TRAM1: variants seen among roughly 807,000 people sequenced by gnomAD.
TRAM1 encodes translocation associated membrane protein 1.
In TRAM1, 17 loss-of-function variants were observed where a neutral mutation model predicts 48.7. The ratio of observed to expected loss-of-function variants is 0.35; its 90% confidence interval spans 0.24 to 0.52. The LOEUF (loss-of-function observed/expected upper bound fraction) is 0.52. Ranked by LOEUF, TRAM1 falls within the 20% of genes least tolerant of loss-of-function variation. TRAM1 has a pLI of 0.94. For synonymous variants in TRAM1, 182 were observed against 154.0 expected, an observed-to-expected ratio of 1.18 and a Z score of -1.34; for missense variants, 351 against 441.5, an observed-to-expected ratio of 0.79 and a Z score of 1.84.
At chr8:70,606,830 T>G in intron 1 of TRAM1, 1 of 914,828 alleles carries the variant, frequency 1.1e-6, no homozygotes, top group Non-Finnish European at 1.3e-6. Flanking sequence ...AATTTTAAAA[T>G]TAAAAAAAAA....
At chr8:70,599,261 T>C (rs536783654) in intron 2 of TRAM1, among the ~76,000 whole-genome samples, 63 of 152,172 alleles carry the variant, frequency 4.1e-4, no homozygotes, top group Admixed American at 1.4e-3. Context: ...GACCCTGTCA[T>C]CTCTTAAAAA....
At position 70,594,495 on chromosome 8, in the gene TRAM1, T is replaced by G. The variant is rs1817442036; in HGVS notation, c.570+11A>C. On this transcript the variant is annotated intron_variant, in intron 6 of 10. Coordinates refer to ENST00000262213, the MANE Select transcript of TRAM1 (RefSeq NM_014294.6). ...CAAGACATTTTTTAACACTACAAAA[T>G]CCCAGCTTACTTTTTTGGTTTTCTG... 1 of 1,585,526 alleles carries G rather than the reference T, an allele frequency of 6.3e-7. No individual in the cohort carries two copies. The highest frequency in any genetic ancestry group is 1.4e-5 in the African/African-American group (1 of 72,674).
intron 4 of TRAM1, among the ~76,000 whole-genome samples, chr8:70,597,296 A>G (rs268625): frequency 0.73 from 111,466 of 152,046 alleles, 42,402 homozygotes; most frequent in Non-Finnish European, 0.84. Flanking sequence ...GCTGTTTTTA[A>G]AGGAGGAAAT....
chr8:70,592,567 T>C (rs1234185768), intron 6 of TRAM1, among the ~76,000 whole-genome samples: 2 of 152,214 alleles, frequency 1.3e-5, no homozygotes, highest in Non-Finnish European at 2.9e-5. Flanking sequence ...AAGTGCCATC[T>C]GGCAGGAACT....
At position 70,607,999 on chromosome 8, in the gene TRAM1, A is replaced by G. The variant is rs1200427362; in HGVS notation, c.123+78T>C. ...CGAGCCCCCCGCGTCCTGGGCGGAG[A>G]AGCCGGGGCTGGCATCTGGAGCCCG... is the stretch of plus-strand genomic sequence containing the variant. On this transcript the variant is annotated intron_variant, in intron 1 of 10. Coordinates refer to ENST00000262213, the MANE Select transcript of TRAM1 (RefSeq NM_014294.6). The G allele has an allele frequency of 4.1e-6, 6 of 1,448,894 alleles. No individual in the cohort carries two copies. The East Asian group carries it at 8.4e-5, about 20-fold the overall frequency. 89.8% of individuals were successfully genotyped at this position (1,448,894 alleles called of 1,614,324 possible). A position where few individuals can be genotyped will look rare whatever the true frequency, so the allele number is the denominator to read the frequency against.
intron 6 of TRAM1, among the ~76,000 whole-genome samples, chr8:70,592,690 G>T (rs983510437): frequency 2.6e-5 from 4 of 152,110 alleles, no homozygotes; most frequent in African/African-American, 7.2e-5. Context: ...AAATCCAGAG[G>T]TATTTGTTCA....
intron 1 of TRAM1, among the ~76,000 whole-genome samples, chr8:70,605,704 T>C (rs1038651244): frequency 6.6e-6 from 1 of 152,212 alleles, no homozygotes; most frequent in Non-Finnish European, 1.5e-5. Context: ...CACCTTAATA[T>C]ATGGTAAGAA....
At chr8:70,577,360 C>G (rs1238916012) in intron 10 of TRAM1, among the ~76,000 whole-genome samples, 1 of 152,190 alleles carries the variant, frequency 6.6e-6, no homozygotes. Flanking sequence ...ACCTGGGGGC[C>G]AGGCCACCAG....
At position 70,574,127 on chromosome 8, in the gene TRAM1, A is replaced by G. The variant is rs973850595; in HGVS notation, c.*805T>C. On this transcript the variant is annotated 3_prime_UTR_variant, in exon 11 of 11. Transcript: ENST00000262213. ...ACTTTTCTAAGATGCTGTGCATATT[A>G]AACTTATTATGAGCCCCATTAAGAA... 2 of 319,954 alleles carry G rather than the reference A, an allele frequency of 6.3e-6. No homozygotes were observed. Among genetic ancestry groups the G allele is most frequent in the African/African-American group, 4.6e-5 (2 of 43,064 alleles). 19.8% of individuals were successfully genotyped at this position (319,954 alleles called of 1,614,324 possible).
intron 6 of TRAM1, among the ~76,000 whole-genome samples, chr8:70,588,011 G>A (rs949202681): frequency 2.6e-5 from 4 of 152,072 alleles, no homozygotes; most frequent in Admixed American, 2.6e-4. Flanking sequence ...GAGGCCAGGA[G>A]TTCGAGATCA....
chr8:70,579,999 G>GT (rs1435664530), intron 10 of TRAM1, among the ~76,000 whole-genome samples: 1 of 152,074 alleles, frequency 6.6e-6, no homozygotes, highest in Non-Finnish European at 1.5e-5. Context: ...AGTTAAAACT[G>GT]TTTTTTAAAA....
chr8:70,582,762 TA>T (rs139326891), intron 10 of TRAM1, among the ~76,000 whole-genome samples: 1 of 151,104 alleles, frequency 6.6e-6, no homozygotes, highest in Non-Finnish European at 1.5e-5. Flanking sequence ...TCAGAAGTTA[TA>T]AAAAAAAAGC....
rs944037813 is a variant in TRAM1, at chr8:70,574,004, G to T, written c.*928C>A. The T allele has an allele frequency of 2.4e-5, 5 of 207,598 alleles. No individual in the cohort carries two copies. Among genetic ancestry groups the T allele is most frequent in the Non-Finnish European group, 4.9e-5 (5 of 102,242 alleles). The allele number at this position is 207,598 out of a possible 1,614,324, so 12.9% of individuals were successfully genotyped here. ...CACCTGAATTTTCAATTTCTTTAAA[G>T]TTAGTGCATTAAATGTTTTCCAAAT... On this transcript the variant is annotated 3_prime_UTR_variant, in exon 11 of 11. Coordinates refer to ENST00000262213, the MANE Select transcript of TRAM1 (RefSeq NM_014294.6).
At chr8:70,579,512 G>A (rs1438400285) in intron 10 of TRAM1, among the ~76,000 whole-genome samples, 2 of 152,138 alleles carry the variant, frequency 1.3e-5, no homozygotes, top group African/African-American at 2.4e-5. Flanking sequence ...TTCCCCCAGG[G>A]AGACAACTGT....
rs1277734040 is a variant in TRAM1, at chr8:70,574,565, C to A, written c.*367G>T. ...CTTAAAAAATATGGCCTTCTTAGAA[C>A]AGGCCACTCTGCTATTATAAAAAAT... On this transcript the variant is annotated 3_prime_UTR_variant, in exon 11 of 11. Transcript: ENST00000262213. 4.7e-6 allele frequency: 1 copy of A among 213,984 alleles called. No individual in the cohort carries two copies. Among genetic ancestry groups the A allele is most frequent in the South Asian group, 7.0e-5 (1 of 14,228 alleles). The allele number at this position is 213,984 out of a possible 1,614,324, so 13.3% of individuals were successfully genotyped here. A position where few individuals can be genotyped will look rare whatever the true frequency, so the allele number is the denominator to read the frequency against.
chr8:70,593,011 A>G (rs1052331173), intron 6 of TRAM1, among the ~76,000 whole-genome samples: 3 of 152,180 alleles, frequency 2.0e-5, no homozygotes, highest in Admixed American at 6.5e-5. Flanking sequence ...CTTACTAAAC[A>G]TGGAAGGGCT....
In TRAM1 at chr8:70,573,528, C is replaced by T. The variant is rs1816865451; in HGVS notation, c.*1404G>A. The T allele has an allele frequency of 2.6e-5, 4 of 152,470 alleles. No homozygotes were observed. The highest frequency in any genetic ancestry group is 9.7e-5 in the African/African-American group (4 of 41,394). 9.4% of individuals were successfully genotyped at this position (152,470 alleles called of 1,614,324 possible). On this transcript the variant is annotated 3_prime_UTR_variant, in exon 11 of 11. Coordinates refer to ENST00000262213, the MANE Select transcript of TRAM1 (RefSeq NM_014294.6). Reference sequence around the variant, plus strand: ...GTTTTTAATGGCAAAAATTTGGTTCCACTGAAACTCCATAATGCTACAGAG... The same window carrying T: ...GTTTTTAATGGCAAAAATTTGGTTCTACTGAAACTCCATAATGCTACAGAG...
intron 10 of TRAM1, among the ~76,000 whole-genome samples, chr8:70,577,920 G>A (rs923338240): frequency 7.2e-5 from 11 of 152,248 alleles, no homozygotes; most frequent in Non-Finnish European, 4.4e-5. Context: ...CACAGAGCCA[G>A]CACCTGCTGG....
Position 70,597,920 on chromosome 8 carries a change from A to G in TRAM1, c.401T>C (p.Val134Ala), listed in dbSNP as rs773792519. 2 of 1,600,104 alleles carry G rather than the reference A, an allele frequency of 1.2e-6. No individual in the cohort carries two copies. Among genetic ancestry groups the G allele is most frequent in the East Asian group, 2.3e-5 (1 of 44,430 alleles). The change falls in exon 4 of 11, where the codon GTT (valine) becomes GCT (alanine). Residue 134 changes from valine (V) to alanine (A), a missense_variant. Physicochemically the swap from Val to Ala is moderately conservative, Grantham distance 64. Transcript: ENST00000262213. The stretch of plus-strand genomic sequence containing the variant: ...AGAGATGAGAATGAATGTGCCCCAA[A>G]CACAGGCAAAAAGGTAGAACGCACT... ...QLSAFYLFAC[V>A]WGTFILISEN... is the part of the protein sequence containing the mutation.
Sources: allele counts gnomAD v4.1 joint callset (sites outside exome capture counted in the v4.1 genomes callset), GRCh38; gene constraint gnomAD v4.1.1; transcripts MANE v1.5; gene names NCBI Gene and HGNC (gene_info 2026-07-23, HGNC 2026-07-21).